The following MYH11 variants were observed in gnomAD, a reference collection of about 807,000 sequenced individuals.
MYH11 encodes the protein myosin heavy chain 11.
In MYH11, 80 loss-of-function variants were observed where a neutral mutation model predicts 246.6. That is an observed-to-expected ratio of 0.32 (90% CI 0.27 to 0.39). The LOEUF (loss-of-function observed/expected upper bound fraction) is 0.39, where lower values mean the gene tolerates loss of function less well. Among genes scored for constraint, MYH11 ranks in the 10% least tolerant of loss-of-function variants. The pLI is 1.00. For missense variants in MYH11, 2,158 were observed against 2,546.8 expected (o/e 0.85, Z 3.29); for synonymous variants, 1,071 against 1,015.5 (o/e 1.05, Z -1.04).
At chr16:15,731,489 C>CTT (rs58031056) in intron 27 of MYH11, among the ~76,000 whole-genome samples, 14 of 146,212 alleles carry the variant, frequency 9.6e-5, no homozygotes, top group African/African-American at 3.0e-4. Flanking sequence ...TCTATTCATT[C>CTT]TTTTTTTTTT....
chr16:15,781,999 G>A (rs945280542), intron 6 of MYH11, among the ~76,000 whole-genome samples: 2 of 152,012 alleles, frequency 1.3e-5, no homozygotes, highest in Non-Finnish European at 2.9e-5. Context: ...AAATGGTATC[G>A]GATATAAGGG....
At chr16:15,819,056 G>A (rs2043336607) in intron 3 of MYH11, among the ~76,000 whole-genome samples, 1 of 151,690 alleles carries the variant, frequency 6.6e-6, no homozygotes, top group African/African-American at 2.4e-5. Flanking sequence ...TTATTTTTTT[G>A]TAGAGACAAG....
chr16:15,845,298 A>ATT (rs11436822), intron 1 of MYH11, among the ~76,000 whole-genome samples: 10,313 of 139,958 alleles, frequency 0.074, 495 homozygotes, highest in East Asian at 0.16. Flanking sequence ...TTTTTTCGCG[A>ATT]TTTTTTTTTT....
At chr16:15,790,105 G>T (rs549460712) in intron 4 of MYH11, among the ~76,000 whole-genome samples, 1 of 152,296 alleles carries the variant, frequency 6.6e-6, no homozygotes, top group South Asian at 2.1e-4. Flanking sequence ...AGGAGTTCAA[G>T]ACCAGCCTGG....
At position 15,747,710 on chromosome 16, in the gene MYH11, G is replaced by T; in HGVS notation, c.2271C>A (p.Asp757Glu). The T allele has an allele frequency of 6.2e-7, 1 of 1,614,086 alleles. No individual in the cohort carries two copies. The highest frequency in any genetic ancestry group is 8.5e-7 in the Non-Finnish European group (1 of 1,179,996). ...CILMIKALEL[D>E]PNLYRIGQSK... ...TCTGCCCTATCCTGTATAAGTTGGG[G>T]TCAAGTTCCAGGGCTTTGATCTGCA... The change falls in exon 19 of 41, where the codon GAC (aspartate) becomes GAA (glutamate). Residue 757 changes from aspartate (D) to glutamate (E), a missense_variant. By Grantham distance (45) the Asp-to-Glu change is conservative. Transcript: ENST00000300036.
intron 40 of MYH11, 25 bp downstream of exon 40, chr16:15,714,884 T>G (rs917903167): frequency 3.2e-5 from 51 of 1,612,040 alleles, no homozygotes; most frequent in Non-Finnish European, 4.2e-5. Context: ...AGAGACGGGG[T>G]CCTCCCGGGC....
chr16:15,788,398 G>A (rs1449156057), intron 4 of MYH11, among the ~76,000 whole-genome samples: 1 of 151,620 alleles, frequency 6.6e-6, no homozygotes, highest in Non-Finnish European at 1.5e-5. Flanking sequence ...TCAGCCCAAG[G>A]TTCTCTGTGC....
At position 15,717,194 on chromosome 16, in the gene MYH11, G is replaced by T; in HGVS notation, c.5450C>A (p.Ala1817Glu). ...AVKSKFKSTI[A>E]ALEAKIAQLE... The stretch of plus-strand genomic sequence containing the variant: ...CTGTGCAATCTTGGCCTCCAGCGCC[G>T]CGATGGTGGACTTGAACTTGGACTT... Residue 1817 changes from alanine to glutamate, a missense_variant, in exon 38 of 41, where the codon GCG becomes GAG. Around this residue, in one of 11 missense-constraint regions of MYH11, gnomAD observed 1,013 missense variants for 993.5 expected, o/e 1.02. Coordinates refer to ENST00000300036, the MANE Select transcript of MYH11 (RefSeq NM_002474.3). 1.2e-6 allele frequency: 2 copies of T among 1,614,176 alleles called. No homozygotes were observed. Among genetic ancestry groups the T allele is most frequent in the Admixed American group, 1.7e-5 (1 of 60,020 alleles).
Position 15,757,972 on chromosome 16 carries a change from T to C in MYH11, c.1430A>G (p.Asn477Ser). ...EVNSFEQLCINYTNEKLQQLF... is the reference protein window; with the variant it reads ...EVNSFEQLCISYTNEKLQQLF... ...CTGCTGCAGCTTCTCGTTGGTGTAG[T>C]TGATGCACAGCTGCTCGAAGGAGTT... Residue 477 changes from asparagine (N) to serine (S), a missense_variant, in exon 13 of 41, where the codon AAC (asparagine) becomes AGC (serine). Physicochemically the swap from Asn to Ser is conservative, Grantham distance 46. Around this residue, in one of 11 missense-constraint regions of MYH11, gnomAD observed 317 missense variants for 507.7 expected, o/e 0.62. Transcript: ENST00000300036. 6.2e-7 allele frequency: 1 copy of C among 1,614,144 alleles called. No individual in the cohort carries two copies. Among genetic ancestry groups the C allele is most frequent in the Non-Finnish European group, 8.5e-7 (1 of 1,180,026 alleles).
chr16:15,786,150 A>G (rs1438695088), intron 5 of MYH11: 2 of 325,336 alleles, frequency 6.1e-6, no homozygotes, highest in African/African-American at 4.3e-5. Flanking sequence ...GTGCTTCTCA[A>G]TCAAGGGCAA....
In MYH11 at chr16:15,838,017, A is replaced by T. The variant is rs368641001; in HGVS notation, c.236T>A (p.Met79Lys). The change falls in exon 2 of 41, where the codon ATG (methionine) becomes AAG (lysine). Residue 79 changes from methionine to lysine, a missense_variant. By Grantham distance (95) the Met-to-Lys change is moderately conservative (BLOSUM62 -1). This residue lies in a region of MYH11 where 36 missense variants were observed against 73.9 expected (regional missense o/e 0.49). Transcript: ENST00000300036. Reference protein sequence around the residue: ...VTVGKDDIQKMNPPKFSKVED... With the variant: ...VTVGKDDIQKKNPPKFSKVED... ...CACCTTGGAGAACTTGGGTGGGTTC[A>T]TCTTCTGGATGTCATCTTTCCCAAC... 6.2e-7 allele frequency: 1 copy of T among 1,614,084 alleles called. No homozygotes were observed. The highest frequency in any genetic ancestry group is 8.5e-7 in the Non-Finnish European group (1 of 1,180,022).
At position 15,735,675 on chromosome 16, in the gene MYH11, T is replaced by C. The variant is rs2041097775; in HGVS notation, c.3294-97A>G. 6.9e-6 allele frequency: 8 copies of C among 1,167,160 alleles called. 1 individual carries two copies. In the South Asian group the frequency reaches 9.9e-5, roughly 14 times the overall value. 72.3% of individuals were successfully genotyped at this position (1,167,160 alleles called of 1,614,324 possible). A position where few individuals can be genotyped will look rare whatever the true frequency, so the allele number is the denominator to read the frequency against. On this transcript the variant is annotated intron_variant, in intron 25 of 40. Coordinates refer to ENST00000300036, the MANE Select transcript of MYH11 (RefSeq NM_002474.3). ...CTTTTCTGGGACCAGACAGTTATGTTGCAGAGACATCAAACACCTTCTATC... is the reference window on the plus strand; with the variant it reads ...CTTTTCTGGGACCAGACAGTTATGTCGCAGAGACATCAAACACCTTCTATC...
At chr16:15,814,969 C>A (rs1392563196) in intron 3 of MYH11, among the ~76,000 whole-genome samples, 3 of 152,298 alleles carry the variant, frequency 2.0e-5, no homozygotes, top group African/African-American at 7.2e-5. Flanking sequence ...TTCAACTAGA[C>A]CCTCAAAATG....
chr16:15,777,709 A>T (rs920512730), intron 7 of MYH11, among the ~76,000 whole-genome samples: 1 of 152,098 alleles, frequency 6.6e-6, no homozygotes, highest in Non-Finnish European at 1.5e-5. Flanking sequence ...CATTGAGTTA[A>T]CGCAATAGCC....
intron 2 of MYH11, among the ~76,000 whole-genome samples, chr16:15,833,415 G>GGAAGGAAGGAAGGAAC (rs1555458595): frequency 2.0e-5 from 3 of 148,004 alleles, no homozygotes; most frequent in Non-Finnish European, 3.0e-5. Context: ...AAGGAAGGGA[G>GGAAGGAAGGAAGGAAC]GAACGAACTA....
At chr16:15,804,553 A>G (rs532265861) in intron 3 of MYH11, among the ~76,000 whole-genome samples, 1 of 152,254 alleles carries the variant, frequency 6.6e-6, no homozygotes, top group East Asian at 1.9e-4. Context: ...AAAAATAACT[A>G]AAGTGCATAA....
At chr16:15,787,481 C>CT (rs370002467) in intron 4 of MYH11, among the ~76,000 whole-genome samples, 21,440 of 115,652 alleles carry the variant, frequency 0.19, 2,741 homozygotes, top group South Asian at 0.31. Context: ...GAATTATCTA[C>CT]TTTTTTTTTT....
At chr16:15,836,521 T>A (rs1207948639) in intron 2 of MYH11, among the ~76,000 whole-genome samples, 1 of 151,994 alleles carries the variant, frequency 6.6e-6, no homozygotes, top group Non-Finnish European at 1.5e-5. Flanking sequence ...TGCCTCGGCC[T>A]CCCAAGTAGC....
Position 15,719,291 on chromosome 16 carries a change from C to G in MYH11, c.5100G>C (p.Glu1700Asp), listed in dbSNP as rs368731717. The G allele has an allele frequency of 1.9e-6, 3 of 1,612,058 alleles. No homozygotes were observed. The highest frequency in any genetic ancestry group is 2.5e-6 in the Non-Finnish European group (3 of 1,180,016). The change falls in exon 36 of 41, where the codon GAG becomes GAC. Residue 1700 changes from glutamate (E) to aspartate (D), a missense_variant. Physicochemically the swap from Glu to Asp is conservative, Grantham distance 45. Coordinates refer to ENST00000300036, the MANE Select transcript of MYH11 (RefSeq NM_002474.3). ...CGAGGTCCGCTTGTTTGCGAGCCCT[C>G]TCAGCGGCGGCGAGGTCCTAGGTGG... ...MQLQEDLAAA[E>D]RARKQADLEK...
Sources: gnomAD v4.1 joint callset for allele counts (sites outside exome capture counted in the v4.1 genomes callset) on GRCh38, gnomAD v4.1.1 for gene constraint, gnomAD v4.1.1 regional missense constraint, MANE v1.5 for transcripts, NCBI Gene and HGNC (gene_info 2026-07-23, HGNC 2026-07-21) for gene names.